UNC5B: variants seen among roughly 807,000 people sequenced by gnomAD.
UNC5B encodes netrin receptor UNC5B.
In UNC5B, 56 loss-of-function variants were observed where a neutral mutation model predicts 103.7. The ratio of observed to expected loss-of-function variants is 0.54; its 90% confidence interval spans 0.44 to 0.67. The LOEUF is 0.67. Among genes scored for constraint, UNC5B ranks in the 30% least tolerant of loss-of-function variants. UNC5B has a pLI of 0.00. For missense variants in UNC5B, 1,194 were observed against 1,284.5 expected (o/e 0.93, Z 1.08); for synonymous variants, 577 against 542.0 (o/e 1.06, Z -0.90).
At chr10:71,294,711 C>T (rs562757385) in intron 13 of UNC5B, among the ~76,000 whole-genome samples, 10 of 151,272 alleles carry the variant, frequency 6.6e-5, no homozygotes, top group South Asian at 6.3e-4. Flanking sequence ...GGATGGAGAG[C>T]GGTGCCCCAA....
chr10:71,237,223 C>T (rs1564710820), intron 1 of UNC5B, among the ~76,000 whole-genome samples: 1 of 152,214 alleles, frequency 6.6e-6, no homozygotes, highest in Admixed American at 6.5e-5. Context: ...GTCACCAAGA[C>T]TCGTGTTTAT....
rs1461009609 is a variant in UNC5B, at chr10:71,301,428, C to A, written c.*2151C>A. On this transcript the variant is annotated 3_prime_UTR_variant, in exon 17 of 17. Transcript: ENST00000335350. Reference sequence around the variant, plus strand: ...GCCTGCATCAGGGGCTAGGCTCTGGCTGGGCCCGGAGGCTGAGACTAAGGC... The same window carrying A: ...GCCTGCATCAGGGGCTAGGCTCTGGATGGGCCCGGAGGCTGAGACTAAGGC... 6.6e-6 allele frequency: 1 copy of A among 152,252 alleles called. No individual in the cohort carries two copies. The highest frequency in any genetic ancestry group is 1.9e-4 in the East Asian group (1 of 5,186). 9.4% of individuals were successfully genotyped at this position (152,252 alleles called of 1,614,324 possible).
intron 1 of UNC5B, among the ~76,000 whole-genome samples, chr10:71,256,769 A>G (rs1031770064): frequency 1.3e-5 from 2 of 152,222 alleles, no homozygotes; most frequent in East Asian, 3.9e-4. Context: ...AGAACATCCA[A>G]GCTTCTCACC....
In UNC5B at chr10:71,284,748, G is replaced by T. The variant is rs757943643; in HGVS notation, c.333G>T (p.Glu111Asp). Residue 111 changes from glutamate (E) to aspartate (D), a missense_variant, in exon 3 of 17, where the codon GAG (glutamate) becomes GAT (aspartate). Glu to Asp is a conservative substitution (Grantham distance 45). Coordinates refer to ENST00000335350, the MANE Select transcript of UNC5B (RefSeq NM_170744.5). ...TGCGGGTGCGCGAGGTGCAGATCGA[G>T]GTGTCGCGGCAGCAGGTGGAGGAGC... The part of the protein sequence containing the change: ...TGLRVREVQI[E>D]VSRQQVEELF... 42 of 1,613,786 alleles carry T rather than the reference G, an allele frequency of 2.6e-5. No homozygotes were observed. Among genetic ancestry groups the T allele is most frequent in the Non-Finnish European group, 3.6e-5 (42 of 1,179,970 alleles).
intron 1 of UNC5B, among the ~76,000 whole-genome samples, chr10:71,222,769 G>A (rs1446853247): frequency 6.6e-6 from 1 of 152,220 alleles, no homozygotes. Context: ...TCACCCAGGA[G>A]CCTGCAACCC....
intron 1 of UNC5B, among the ~76,000 whole-genome samples, chr10:71,221,984 C>T (rs2132238548): frequency 6.6e-6 from 1 of 151,930 alleles, no homozygotes; most frequent in Non-Finnish European, 1.5e-5. Flanking sequence ...GTGACATTCA[C>T]TACTGTCATC....
At chr10:71,298,128 T>C (rs1302888363) in intron 16 of UNC5B, 38 bp downstream of exon 16, 1 of 1,554,958 alleles carries the variant, frequency 6.4e-7, no homozygotes, top group Non-Finnish European at 8.7e-7. Flanking sequence ...CCATCTGCCT[T>C]CGTCCTCAAG....
intron 1 of UNC5B, among the ~76,000 whole-genome samples, chr10:71,222,228 C>T (rs1172763414): frequency 2.0e-5 from 3 of 152,120 alleles, no homozygotes; most frequent in Non-Finnish European, 4.4e-5. Flanking sequence ...GAATGTCTGG[C>T]ACATCTACCC....
intron 1 of UNC5B, among the ~76,000 whole-genome samples, chr10:71,233,951 G>T (rs1377555860): frequency 1.3e-5 from 2 of 152,222 alleles, no homozygotes; most frequent in African/African-American, 4.8e-5. Context: ...GTCCCAGGGT[G>T]CTCCAGGCCA....
In UNC5B at chr10:71,299,115, C is replaced by T. The variant is rs748119235; in HGVS notation, c.2676C>T (p.Tyr892=). The T allele has an allele frequency of 2.7e-5, 43 of 1,614,074 alleles. No individual in the cohort carries two copies. The highest frequency in any genetic ancestry group is 3.5e-5 in the Non-Finnish European group (41 of 1,180,034). Residue 892 remains tyrosine, a synonymous_variant, in exon 17 of 17, where the codon TAC becomes TAT. Coordinates refer to ENST00000335350, the MANE Select transcript of UNC5B (RefSeq NM_170744.5). ...GTGCCCTCCTTCCCTCTGCCAGGTA[C>T]CTGAATTACTTTGCCACCAAAGCGA... ...MLAQKLSMDR[Y]LNYFATKASP...
intron 1 of UNC5B, among the ~76,000 whole-genome samples, chr10:71,264,971 T>TAAA (rs34240729): frequency 5.0e-5 from 6 of 120,824 alleles, no homozygotes; most frequent in East Asian, 2.4e-4. Flanking sequence ...CCTGTCTCTA[T>TAAA]AAAAAAAAAA....
chr10:71,264,696 G>T lies in UNC5B; in HGVS notation c.80-15125G>T, dbSNP rs147908708. Among the ~76,000 whole-genome samples, 28 of 152,274 alleles carry T rather than the reference G, an allele frequency of 1.8e-4. No homozygotes were observed. In the East Asian group the frequency reaches 5.4e-3, roughly 29 times the overall value. ...GTGTGTGGACTGGCGGCAGCACCTA[G>T]ACATTTCTTAGAAATGTACATTCTC... On this transcript the variant is annotated intron_variant, in intron 1 of 16. Coordinates refer to ENST00000335350, the MANE Select transcript of UNC5B (RefSeq NM_170744.5).
intron 1 of UNC5B, among the ~76,000 whole-genome samples, chr10:71,276,310 C>T (rs1340855786): frequency 6.6e-6 from 1 of 152,132 alleles, no homozygotes; most frequent in Non-Finnish European, 1.5e-5. Flanking sequence ...CCAGGAACCC[C>T]GAGACCCCAT....
chr10:71,293,740 G>A lies in UNC5B; in HGVS notation c.1982G>A (p.Cys661Tyr), dbSNP rs1312598060. 11 of 1,592,202 alleles carry A rather than the reference G, an allele frequency of 6.9e-6. No homozygotes were observed. The highest frequency in any genetic ancestry group is 5.4e-5 in the African/African-American group (4 of 74,368). Residue 661 changes from cysteine to tyrosine, a missense_variant, in exon 13 of 17, where the codon TGC (cysteine) becomes TAC (tyrosine). Transcript: ENST00000335350. ...GATGAGGAGACCCTGAACACACCCT[G>A]CTACTGCCAGCTGGAGCCCAGGGCC... ...TLDEETLNTP[C>Y]YCQLEPRACH...
At chr10:71,272,597 C>G (rs1844673037) in intron 1 of UNC5B, among the ~76,000 whole-genome samples, 1 of 152,202 alleles carries the variant, frequency 6.6e-6, no homozygotes, top group Non-Finnish European at 1.5e-5. Context: ...TTTCTGGGCC[C>G]CCTGTCCCTC....
At chr10:71,257,334 T>G (rs1423644244) in intron 1 of UNC5B, among the ~76,000 whole-genome samples, 1 of 152,214 alleles carries the variant, frequency 6.6e-6, no homozygotes, top group Non-Finnish European at 1.5e-5. Flanking sequence ...GGTAAGTGAA[T>G]AGGGAAGTTC....
chr10:71,285,426 C>T lies in UNC5B; in HGVS notation c.549C>T (p.Ala183=), dbSNP rs945538567. The T allele has an allele frequency of 5.0e-6, 8 of 1,593,578 alleles. No individual in the cohort carries two copies. The African/African-American group carries it at 5.4e-5, about 11-fold the overall frequency. The change falls in exon 4 of 17, where the codon GCC becomes GCT. Residue 183 remains alanine, a synonymous_variant. Coordinates refer to ENST00000335350, the MANE Select transcript of UNC5B (RefSeq NM_170744.5). ...QCRPPEGVPV[A]EVEWLKNEDV... is the part of the protein sequence containing the mutation. ...GCCCGCCGGAGGGGGTGCCTGTGGC[C>T]GAGGTGAGCGGGGACGTAGGGACCA...
chr10:71,296,041 C>T, intron 14 of UNC5B, 81 bp downstream of exon 14: 3 of 1,587,098 alleles, frequency 1.9e-6, no homozygotes, highest in South Asian at 2.2e-5. Flanking sequence ...GGCCCTGCCT[C>T]CTAGCTCTGT....
chr10:71,285,486 C>T (rs1845051972), intron 4 of UNC5B, 57 bp downstream of exon 4: 1 of 1,432,858 alleles, frequency 7.0e-7, no homozygotes, highest in Non-Finnish European at 9.4e-7. Flanking sequence ...CTGCAGAAGC[C>T]AGGCAGGCAT....
Sources: gnomAD v4.1 joint callset for allele counts (sites outside exome capture counted in the v4.1 genomes callset) on GRCh38, gnomAD v4.1.1 for gene constraint, MANE v1.5 for transcripts, NCBI Gene and HGNC (gene_info 2026-07-23, HGNC 2026-07-21) for gene names.